ZBTB16: variants seen among roughly 807,000 people sequenced by gnomAD.
The protein encoded by ZBTB16 is zinc finger and BTB domain containing 16.
Under a neutral mutation model 56.8 loss-of-function variants are expected in ZBTB16, and 8 were observed. The ratio of observed to expected loss-of-function variants is 0.14; its 90% CI spans 0.08 to 0.25. The LOEUF (loss-of-function observed/expected upper bound fraction) is 0.25, where lower values mean the gene tolerates loss of function less well. ZBTB16 is among the 10% of genes least tolerant of loss of function. The pLI is 1.00. For synonymous variants in ZBTB16, 363 were observed against 368.5 expected, an observed-to-expected ratio of 0.98 and a Z score of 0.17; for missense variants, 625 against 903.0, an observed-to-expected ratio of 0.69 and a Z score of 3.95.
At chr11:114,207,046 A>G (rs1024457701) in intron 4 of ZBTB16, among the ~76,000 whole-genome samples, 3 of 152,114 alleles carry the variant, frequency 2.0e-5, no homozygotes, top group African/African-American at 7.2e-5. Context: ...CTGTAAGACA[A>G]AGGTGGCAAT....
intron 2 of ZBTB16, among the ~76,000 whole-genome samples, chr11:114,106,314 G>A (rs1430059123): frequency 6.6e-6 from 1 of 152,064 alleles, no homozygotes; most frequent in Admixed American, 6.6e-5. Context: ...GGGTCACTGT[G>A]GCTCCTACTC....
At chr11:114,073,633 T>A (rs1939434404) in intron 2 of ZBTB16, among the ~76,000 whole-genome samples, 1 of 152,244 alleles carries the variant, frequency 6.6e-6, no homozygotes, top group Admixed American at 6.5e-5. Context: ...GGGACCTGAT[T>A]TTCTTCGGTG....
At chr11:114,175,649 A>G (rs941123371) in intron 3 of ZBTB16, among the ~76,000 whole-genome samples, 5 of 152,084 alleles carry the variant, frequency 3.3e-5, no homozygotes, top group Admixed American at 3.3e-4. Context: ...TTGAGATGCC[A>G]AAGAGATCTC....
Position 114,222,119 on chromosome 11 carries a change from C to T in ZBTB16, c.1454-20048C>T, listed in dbSNP as rs574076045. On this transcript the variant is annotated intron_variant, in intron 4 of 6. Transcript: ENST00000335953. The stretch of plus-strand genomic sequence containing the variant: ...CTTTTGAATCACAGGGTCTTTCATG[C>T]TGATCCTTGAGGCACTGAAAACTTC... 1.2e-4 allele frequency among the ~76,000 whole-genome samples: 19 copies of T among 152,250 alleles called. No homozygotes were observed. In the South Asian group the frequency reaches 3.9e-3, roughly 32 times the overall value.
At chr11:114,072,112 C>T (rs1393226253) in intron 2 of ZBTB16, among the ~76,000 whole-genome samples, 1 of 152,244 alleles carries the variant, frequency 6.6e-6, no homozygotes, top group Non-Finnish European at 1.5e-5. Context: ...GTCATGCTAG[C>T]CATGCAGGGT....
At chr11:114,076,444 G>C (rs1342193236) in intron 2 of ZBTB16, among the ~76,000 whole-genome samples, 3 of 152,080 alleles carry the variant, frequency 2.0e-5, no homozygotes, top group African/African-American at 7.2e-5. Context: ...AACTGTGTAC[G>C]TCTCAAATTA....
Position 114,250,665 on chromosome 11 carries a change from A to G in ZBTB16, c.*110A>G. The G allele has an allele frequency of 7.9e-7, 1 of 1,264,628 alleles. No individual in the cohort carries two copies. Among genetic ancestry groups the G allele is most frequent in the Non-Finnish European group, 1.1e-6 (1 of 912,746 alleles). 78.3% of individuals were successfully genotyped at this position (1,264,628 alleles called of 1,614,324 possible). A position where few individuals can be genotyped will look rare whatever the true frequency, so the allele number is the denominator to read the frequency against. ...AAAGGAAAAGAAAAAAAAAAACAGA[A>G]GGAAAAGGAAACCTGGTAGCTTTTT... On this transcript the variant is annotated 3_prime_UTR_variant, in exon 7 of 7. Transcript: ENST00000335953. The surrounding 1 kb of genome is among the most constrained non-coding windows in gnomAD (Gnocchi z 6.0).
intron 4 of ZBTB16, among the ~76,000 whole-genome samples, chr11:114,225,793 C>A (rs1402722787): frequency 2.0e-5 from 3 of 152,232 alleles, no homozygotes; most frequent in African/African-American, 7.2e-5. Context: ...CCACACCCTT[C>A]TTCACCCAGC....
At chr11:114,081,429 T>G (rs769403755) in intron 2 of ZBTB16, among the ~76,000 whole-genome samples, 2 of 152,106 alleles carry the variant, frequency 1.3e-5, no homozygotes, top group Non-Finnish European at 2.9e-5. Context: ...TGACAGAGAA[T>G]AGGAAATGGA....
rs199658513 is a variant in ZBTB16 at position 114,247,377 on chromosome 11, C to G, written c.1792+12C>G. On this transcript the variant is annotated intron_variant, in intron 6 of 6. Coordinates refer to ENST00000335953, the MANE Select transcript of ZBTB16 (RefSeq NM_006006.6). ...TAGGGTGCACACAGGTACCGAAGGC[C>G]AGGGAGGGGCCTGAGCTGGCTCTGG... The G allele has an allele frequency of 3.1e-6, 5 of 1,613,970 alleles. No individual in the cohort carries two copies. Among genetic ancestry groups the G allele is most frequent in the Non-Finnish European group, 4.2e-6 (5 of 1,179,956 alleles).
chr11:114,252,065 G>A lies in ZBTB16; in HGVS notation c.*1510G>A, dbSNP rs1944927690. Among the ~76,000 whole-genome samples, 1 of 152,176 alleles carries A rather than the reference G, an allele frequency of 6.6e-6. No individual in the cohort carries two copies. Among genetic ancestry groups the A allele is most frequent in the Non-Finnish European group, 1.5e-5 (1 of 68,042 alleles). On this transcript the variant is annotated 3_prime_UTR_variant, in exon 7 of 7. Coordinates refer to ENST00000335953, the MANE Select transcript of ZBTB16 (RefSeq NM_006006.6). Reference sequence around the variant, plus strand: ...CCCAGCTGGCAGGAACTGTGCAGGAGGAGTTGATACTCAGGATCTGAATGT... The same window carrying A: ...CCCAGCTGGCAGGAACTGTGCAGGAAGAGTTGATACTCAGGATCTGAATGT...
intron 3 of ZBTB16, among the ~76,000 whole-genome samples, chr11:114,177,417 AT>A (rs1267485885): frequency 6.6e-6 from 1 of 151,984 alleles, no homozygotes; most frequent in Admixed American, 6.6e-5. Flanking sequence ...TGCCCGGCTA[AT>A]TTTGTATTTT....
chr11:114,094,730 T>G (rs1940316842), intron 2 of ZBTB16, among the ~76,000 whole-genome samples: 1 of 152,226 alleles, frequency 6.6e-6, no homozygotes, highest in Admixed American at 6.5e-5. Flanking sequence ...GTGAGCTGGT[T>G]GGGGCTGGAT....
Position 114,254,841 on chromosome 11 carries a change from G to A in ZBTB16, c.*4286G>A, listed in dbSNP as rs1461323820. Among the ~76,000 whole-genome samples, 1 of 152,166 alleles carries A rather than the reference G, an allele frequency of 6.6e-6. No individual in the cohort carries two copies. The highest frequency in any genetic ancestry group is 6.5e-5 in the Admixed American group (1 of 15,284). ...TGGGACAGATGGGGAGAGGAAAAAGGCAGAGATGGCCAGGAGAGGGGTGCA... is the reference window on the plus strand; with the variant it reads ...TGGGACAGATGGGGAGAGGAAAAAGACAGAGATGGCCAGGAGAGGGGTGCA... On this transcript the variant is annotated 3_prime_UTR_variant, in exon 7 of 7. Transcript: ENST00000335953.
intron 2 of ZBTB16, among the ~76,000 whole-genome samples, chr11:114,112,367 T>C (rs544751649): frequency 6.6e-6 from 1 of 152,304 alleles, no homozygotes; most frequent in Non-Finnish European, 1.5e-5. Context: ...GATGGTCATA[T>C]TTTATAATCT....
Position 114,123,058 on chromosome 11 carries a change from G to A in ZBTB16, c.1269-33279G>A, listed in dbSNP as rs563078554. Among the ~76,000 whole-genome samples the A allele has an allele frequency of 9.8e-4, 149 of 152,284 alleles. 1 individual carries two copies. Among genetic ancestry groups the A allele is most frequent in the African/African-American group, 3.2e-3 (133 of 41,540 alleles). On this transcript the variant is annotated intron_variant, in intron 2 of 6. Transcript: ENST00000335953. The stretch of plus-strand genomic sequence containing the variant: ...GCCTCCTTCTCGCCGAGTCCTCCCA[G>A]GGTGGAGAAAGAGACAGTGAGCTGG...
rs1043548267 is a variant in ZBTB16 at position 114,256,256 on chromosome 11, G to A, written c.*5701G>A. ...AATATCGTATGATCCTTGGTACAAT[G>A]TGCTAGGTAGGCACTTGTTCACTTA... On this transcript the variant is annotated 3_prime_UTR_variant, in exon 7 of 7. Transcript: ENST00000335953. 6.6e-6 allele frequency among the ~76,000 whole-genome samples: 1 copy of A among 152,186 alleles called. No homozygotes were observed. The highest frequency in any genetic ancestry group is 2.4e-5 in the African/African-American group (1 of 41,430).
At chr11:114,228,873 C>T (rs1781256709) in intron 4 of ZBTB16, among the ~76,000 whole-genome samples, 1 of 152,186 alleles carries the variant, frequency 6.6e-6, no homozygotes, top group Non-Finnish European at 1.5e-5. Flanking sequence ...TTCCCTAGTA[C>T]AGTATCTTCC....
chr11:114,173,484 G>A (rs536562317), intron 3 of ZBTB16, among the ~76,000 whole-genome samples: 134 of 152,312 alleles, frequency 8.8e-4, no homozygotes, highest in African/African-American at 3.1e-3. Context: ...AAGCACATCC[G>A]TACCCGTATA....
Sources: gnomAD v4.1 joint callset for allele counts (sites outside exome capture counted in the v4.1 genomes callset) on GRCh38, gnomAD v4.1.1 for gene constraint, Gnocchi (gnomAD v3.1) non-coding constraint, MANE v1.5 for transcripts, NCBI Gene and HGNC (gene_info 2026-07-23, HGNC 2026-07-21) for gene names.